The following PRSS23 variants were observed in gnomAD, a reference collection of about 807,000 sequenced individuals.
The protein encoded by PRSS23 is serine protease 23, also known as protease, serine 23.
PRSS23 carries 25 observed loss-of-function variants against 34.7 expected under a neutral mutation model. The ratio of observed to expected loss-of-function variants is 0.72; its 90% CI spans 0.53 to 1.01. The LOEUF (loss-of-function observed/expected upper bound fraction) is 1.01. Among genes scored for constraint, PRSS23 ranks in the 50% least tolerant of loss-of-function variants. PRSS23 has a pLI of 0.00. For missense variants in PRSS23, 445 were observed against 475.6 expected, an observed-to-expected ratio of 0.94 and a Z score of 0.60; for synonymous variants, 176 against 186.6, an observed-to-expected ratio of 0.94 and a Z score of 0.46.
chr11:86,840,962 T>C (rs1948442782), intron 2 of PRSS23, among the ~76,000 whole-genome samples: 1 of 152,034 alleles, frequency 6.6e-6, no homozygotes, highest in African/African-American at 2.4e-5. Flanking sequence ...TTTAAAGCAG[T>C]GTGTAGAGGG....
At chr11:86,928,703 A>ATATATATATATATATAT (rs58756965) in intron 2 of PRSS23, among the ~76,000 whole-genome samples, 1 of 49,278 alleles carries the variant, frequency 2.0e-5, no homozygotes, top group Non-Finnish European at 4.8e-5. Context: ...AAAAAAAAAA[A>ATATATATATATATATAT]AAATTGGCAA....
intron 1 of PRSS23, among the ~76,000 whole-genome samples, chr11:86,800,990 GCTACACCCCCA>G (rs1948030626): frequency 6.6e-6 from 1 of 152,078 alleles, no homozygotes; most frequent in South Asian, 2.1e-4. Flanking sequence ...GGGGGCGATG[GCTACACCCCCA>G]TGCACCCCCC....
chr11:86,812,585 C>A (rs1948186380), downstream of PRSS23, among the ~76,000 whole-genome samples: 2 of 151,410 alleles, frequency 1.3e-5, no homozygotes, highest in South Asian at 4.2e-4. Flanking sequence ...GTGAGGAGCT[C>A]CAGACCAGCC....
chr11:86,840,069 C>T (rs1362548509), intron 2 of PRSS23, among the ~76,000 whole-genome samples: 1 of 151,998 alleles, frequency 6.6e-6, no homozygotes, highest in East Asian at 1.9e-4. Context: ...CAGCTAACAT[C>T]ATAATGACAG....
chr11:86,869,535 C>T (rs1357143284), intron 2 of PRSS23, among the ~76,000 whole-genome samples: 1 of 152,106 alleles, frequency 6.6e-6, no homozygotes, highest in Non-Finnish European at 1.5e-5. Flanking sequence ...CTAGAAATGG[C>T]ATTGTTCCCA....
intron 2 of PRSS23, among the ~76,000 whole-genome samples, chr11:86,883,768 T>A (rs866618335): frequency 1.3e-5 from 2 of 152,234 alleles, no homozygotes; most frequent in African/African-American, 4.8e-5. Flanking sequence ...TTTTGGTATG[T>A]TGTGTTTTCA....
chr11:86,887,708 G>T (rs1052040856), intron 2 of PRSS23, among the ~76,000 whole-genome samples: 3 of 152,162 alleles, frequency 2.0e-5, no homozygotes, highest in Admixed American at 1.3e-4. Flanking sequence ...ACTGGGAGTA[G>T]GGGTGGGAGG....
At chr11:86,881,165 T>C (rs558675105) in intron 2 of PRSS23, among the ~76,000 whole-genome samples, 4 of 152,236 alleles carry the variant, frequency 2.6e-5, no homozygotes, top group Non-Finnish European at 5.9e-5. Flanking sequence ...TTAAGTAGGA[T>C]ATTAACTGTG....
chr11:86,817,815 A>G (rs144756007), intron 1 of PRSS23, among the ~76,000 whole-genome samples: 14 of 152,336 alleles, frequency 9.2e-5, no homozygotes, highest in Middle Eastern at 6.8e-3. Context: ...ACTTCCCACT[A>G]CAAACCTATG....
intron 2 of PRSS23, among the ~76,000 whole-genome samples, chr11:86,855,942 T>C (rs896216586): frequency 3.9e-5 from 6 of 152,234 alleles, no homozygotes; most frequent in African/African-American, 1.4e-4. Context: ...ATTTTTAGGC[T>C]GAATAATACA....
At chr11:86,849,469 A>G (rs947013794) in intron 2 of PRSS23, among the ~76,000 whole-genome samples, 2 of 152,220 alleles carry the variant, frequency 1.3e-5, no homozygotes, top group African/African-American at 2.4e-5. Flanking sequence ...TGGAAGGACA[A>G]TTAGGAAAGG....
At chr11:86,920,696 C>T (rs1949042517) in intron 2 of PRSS23, among the ~76,000 whole-genome samples, 1 of 152,144 alleles carries the variant, frequency 6.6e-6, no homozygotes, top group Non-Finnish European at 1.5e-5. Flanking sequence ...CAAAACCCTA[C>T]TGACTCAATT....
intron 1 of PRSS23, among the ~76,000 whole-genome samples, chr11:86,804,772 G>A (rs897551910): frequency 2.6e-5 from 4 of 152,088 alleles, no homozygotes; most frequent in Admixed American, 2.6e-4. Flanking sequence ...TCATCATTTT[G>A]CCAAAGAATA....
intron 2 of PRSS23, among the ~76,000 whole-genome samples, chr11:86,915,830 C>T (rs1949009074): frequency 6.6e-6 from 1 of 151,990 alleles, no homozygotes; most frequent in Non-Finnish European, 1.5e-5. Flanking sequence ...GCAGGTGGAT[C>T]ACTTGAGGCC....
chr11:86,918,902 G>A (rs1282547392), intron 2 of PRSS23, among the ~76,000 whole-genome samples: 2 of 152,100 alleles, frequency 1.3e-5, no homozygotes, highest in African/African-American at 4.8e-5. Context: ...AATAACCTGG[G>A]AACTAAGAAA....
chr11:86,820,709 C>A (rs540489480), intron 1 of PRSS23, among the ~76,000 whole-genome samples: 1 of 152,280 alleles, frequency 6.6e-6, no homozygotes, highest in South Asian at 2.1e-4. Context: ...AATCTATGTA[C>A]TATAGAATTT....
At chr11:86,827,682 T>C (rs560577764) in intron 2 of PRSS23, among the ~76,000 whole-genome samples, 38 of 152,344 alleles carry the variant, frequency 2.5e-4, no homozygotes, top group African/African-American at 8.7e-4. Flanking sequence ...CCAGAGATTC[T>C]GGTATGTTGT....
intron 2 of PRSS23, among the ~76,000 whole-genome samples, chr11:86,881,087 A>G (rs1948769417): frequency 6.6e-6 from 1 of 152,160 alleles, no homozygotes; most frequent in Non-Finnish European, 1.5e-5. Flanking sequence ...TGTTGAATAG[A>G]CATAGCAAGA....
intron 2 of PRSS23, among the ~76,000 whole-genome samples, chr11:86,864,222 T>C (rs1484676248): frequency 5.3e-5 from 5 of 94,038 alleles, no homozygotes. Flanking sequence ...TTAAACTTGA[T>C]TTTTTTTTTT....
Sources: gnomAD v4.1 joint callset for allele counts (sites outside exome capture counted in the v4.1 genomes callset) on GRCh38, gnomAD v4.1.1 for gene constraint, MANE v1.5 for transcripts, NCBI Gene and HGNC (gene_info 2026-07-23, HGNC 2026-07-21) for gene names.